The following KCNAB1 variants were observed in gnomAD, a reference collection of about 807,000 sequenced individuals.
The protein encoded by KCNAB1 is potassium voltage-gated channel subfamily A regulatory beta subunit 1, also known as voltage-gated potassium channel subunit beta-1.
KCNAB1 carries 35 observed loss-of-function variants against 64.6 expected under a neutral mutation model. The ratio of observed to expected loss-of-function variants is 0.54; its 90% confidence interval spans 0.41 to 0.72. The LOEUF (loss-of-function observed/expected upper bound fraction) is 0.72. Ranked by LOEUF, KCNAB1 falls within the 30% of genes least tolerant of loss-of-function variation. The pLI, the probability that KCNAB1 is intolerant of heterozygous loss-of-function variation, is 0.00. For missense variants in KCNAB1, 401 were observed against 512.9 expected, an observed-to-expected ratio of 0.78 and a Z score of 2.11; for synonymous variants, 177 against 183.8, an observed-to-expected ratio of 0.96 and a Z score of 0.30.
intron 1 of KCNAB1, among the ~76,000 whole-genome samples, chr3:156,387,182 G>A (rs1224838034): frequency 6.6e-6 from 1 of 152,104 alleles, no homozygotes; most frequent in African/African-American, 2.4e-5. Context: ...ATTCAAAAGG[G>A]TGTGGAGCGG....
intron 1 of KCNAB1, chr3:156,176,419 A>T: frequency 1.3e-6 from 1 of 784,250 alleles, no homozygotes. Context: ...CTGCTAGTGC[A>T]AACAAGGTGG....
At chr3:156,295,591 A>G (rs545248132) in intron 1 of KCNAB1, among the ~76,000 whole-genome samples, 26 of 152,350 alleles carry the variant, frequency 1.7e-4, no homozygotes, top group Non-Finnish European at 2.8e-4. Context: ...AGATAAAAAA[A>G]ATCTACTAGA....
intron 9 of KCNAB1, 64 bp downstream of exon 9, chr3:156,514,513 C>A: frequency 1.6e-6 from 2 of 1,232,174 alleles, no homozygotes; most frequent in East Asian, 4.7e-5. Flanking sequence ...AGATGCCATG[C>A]ATAAATTGCA....
chr3:156,185,587 A>C (rs1713134369), intron 1 of KCNAB1, among the ~76,000 whole-genome samples: 1 of 152,214 alleles, frequency 6.6e-6, no homozygotes, highest in South Asian at 2.1e-4. Context: ...AATTGGAGAA[A>C]GATTAGTAAA....
At chr3:156,233,645 G>A (rs1016871576) in intron 1 of KCNAB1, among the ~76,000 whole-genome samples, 5 of 152,122 alleles carry the variant, frequency 3.3e-5, no homozygotes, top group Non-Finnish European at 7.4e-5. Flanking sequence ...AAAGCAGAAA[G>A]GCCTGTTAGA....
At chr3:156,282,914 T>C (rs1719835758) in intron 1 of KCNAB1, among the ~76,000 whole-genome samples, 1 of 151,954 alleles carries the variant, frequency 6.6e-6, no homozygotes, top group Non-Finnish European at 1.5e-5. Flanking sequence ...CTTGACTCTT[T>C]ATCCAATTTG....
intron 1 of KCNAB1, among the ~76,000 whole-genome samples, chr3:156,236,758 T>G (rs1261621714): frequency 6.6e-6 from 1 of 152,124 alleles, no homozygotes; most frequent in Non-Finnish European, 1.5e-5. Context: ...CTTCCAGTAC[T>G]CTGTCACCAT....
chr3:156,428,349 C>T (rs899863893), intron 2 of KCNAB1, among the ~76,000 whole-genome samples: 9 of 152,226 alleles, frequency 5.9e-5, no homozygotes, highest in South Asian at 2.1e-4. Context: ...AAACATCAGC[C>T]TTCTTGGATC....
In KCNAB1 at chr3:156,504,665, C is replaced by T. The variant is rs181734629; in HGVS notation, c.659-9699C>T. Among the ~76,000 whole-genome samples, 295 of 150,492 alleles carry T rather than the reference C, an allele frequency of 2.0e-3. 1 individual carries two copies. The highest frequency in any genetic ancestry group is 4.1e-3 in the Admixed American group (62 of 15,110). On this transcript the variant is annotated intron_variant, in intron 8 of 13. Coordinates refer to ENST00000490337, the MANE Select transcript of KCNAB1 (RefSeq NM_172160.3). ...TAGAGACAGGGGCTTCCTGTTGGCC[C>T]GTTGTATGTCTTCTTTAGAGGAATA...
intron 8 of KCNAB1, among the ~76,000 whole-genome samples, chr3:156,492,592 A>G (rs1307669424): frequency 1.3e-5 from 2 of 152,122 alleles, no homozygotes; most frequent in Admixed American, 6.6e-5. Context: ...CTTCTGTATG[A>G]CTACAACTGC....
chr3:156,418,768 C>T (rs528218372), intron 1 of KCNAB1, among the ~76,000 whole-genome samples: 1 of 152,202 alleles, frequency 6.6e-6, no homozygotes, highest in South Asian at 2.1e-4. Context: ...AGAGAAAATG[C>T]CTCTCACTTT....
At chr3:156,210,601 G>T (rs1714951105) in intron 1 of KCNAB1, among the ~76,000 whole-genome samples, 1 of 152,130 alleles carries the variant, frequency 6.6e-6, no homozygotes, top group Non-Finnish European at 1.5e-5. Context: ...GCTGAGAGCA[G>T]CCATGCTAGC....
chr3:156,336,326 C>T (rs910778017), intron 1 of KCNAB1, among the ~76,000 whole-genome samples: 8 of 152,154 alleles, frequency 5.3e-5, no homozygotes, highest in African/African-American at 1.9e-4. Flanking sequence ...CGTACCACTG[C>T]ACTCCAGCCT....
chr3:156,367,902 A>T (rs1441969334), intron 1 of KCNAB1, among the ~76,000 whole-genome samples: 2 of 152,166 alleles, frequency 1.3e-5, no homozygotes, highest in African/African-American at 4.8e-5. Context: ...TCCCTACAGG[A>T]TCTCCTTCCC....
intron 1 of KCNAB1, among the ~76,000 whole-genome samples, chr3:156,127,983 C>G (rs765342339): frequency 2.6e-5 from 4 of 152,114 alleles, no homozygotes; most frequent in Non-Finnish European, 5.9e-5. Context: ...GTGCCTCTAT[C>G]TCAGTCTTCT....
chr3:156,215,530 G>A (rs989434287), intron 1 of KCNAB1: 2 of 152,252 alleles, frequency 1.3e-5, no homozygotes, highest in African/African-American at 4.8e-5. Context: ...TTTGACTTGG[G>A]GGTTGGTGGT....
At chr3:156,120,359 T>A (rs1372011903), upstream of KCNAB1, among the ~76,000 whole-genome samples, 2 of 152,166 alleles carry the variant, frequency 1.3e-5, no homozygotes, top group African/African-American at 2.4e-5. Context: ...TATTACAAAG[T>A]TGTTGGGAGT....
At chr3:156,268,465 T>C (rs1250319534) in intron 1 of KCNAB1, among the ~76,000 whole-genome samples, 1 of 152,230 alleles carries the variant, frequency 6.6e-6, no homozygotes, top group Non-Finnish European at 1.5e-5. Flanking sequence ...TCCATGGTAG[T>C]TGTACTAATT....
rs34671816 is a variant in KCNAB1 at position 156,338,303 on chromosome 3, C to CTTTTTTTTTTTTTTTTTTTTTTTT, written c.276-83309_276-83286dup. On this transcript the variant is annotated intron_variant, in intron 1 of 13. Coordinates refer to ENST00000490337, the MANE Select transcript of KCNAB1 (RefSeq NM_172160.3). Reference sequence around the variant, plus strand: ...TCTTATACTTTCTTTGGCATTTGCACTTTTTTTTTTTTTTTTTTTTTTTTT... The same window carrying CTTTTTTTTTTTTTTTTTTTTTTTT: ...TCTTATACTTTCTTTGGCATTTGCACTTTTTTTTTTTTTTTTTTTTTTTTTTTTTTTTTTTTTTTTTTTTTTTTT... Among the ~76,000 whole-genome samples, 76 of 39,498 alleles carry CTTTTTTTTTTTTTTTTTTTTTTTT rather than the reference C, an allele frequency of 1.9e-3. 21 individuals carry two copies. The highest frequency in any genetic ancestry group is 5.1e-3 in the East Asian group (6 of 1,174). 25.9% of individuals were successfully genotyped at this position (39,498 alleles called of 152,430 possible). A position where few individuals can be genotyped will look rare whatever the true frequency, so the allele number is the denominator to read the frequency against.
Sources: allele counts gnomAD v4.1 joint callset (sites outside exome capture counted in the v4.1 genomes callset), GRCh38; gene constraint gnomAD v4.1.1; transcripts MANE v1.5; gene names NCBI Gene and HGNC (gene_info 2026-07-23, HGNC 2026-07-21).